WDR25: variants seen among roughly 807,000 people sequenced by gnomAD.
WDR25 encodes WD repeat domain 25, also known as WD repeat-containing protein 25.
In WDR25, 35 loss-of-function variants were observed where a neutral mutation model predicts 47.7. The observed-to-expected ratio is 0.73, with a 90% CI of 0.56 to 0.97. The LOEUF (loss-of-function observed/expected upper bound fraction) is 0.97. Among genes scored for constraint, WDR25 ranks in the 50% least tolerant of loss-of-function variants. WDR25 has a pLI of 0.00. For synonymous variants in WDR25, 248 were observed against 278.9 expected (o/e 0.89, Z 1.10); for missense variants, 634 against 704.7 (o/e 0.90, Z 1.14).
intron 2 of WDR25, among the ~76,000 whole-genome samples, chr14:100,408,203 G>A (rs984258909): frequency 2.0e-5 from 3 of 152,104 alleles, no homozygotes; most frequent in African/African-American, 7.2e-5. Context: ...CTCATCGGAC[G>A]TTCCTGTGAT....
At chr14:100,466,851 T>C (rs1030031186) in intron 2 of WDR25, among the ~76,000 whole-genome samples, 4 of 152,200 alleles carry the variant, frequency 2.6e-5, no homozygotes, top group Admixed American at 6.5e-5. Flanking sequence ...AGTACCTCTG[T>C]GTGTCAGGCC....
rs1177168708 is a variant in WDR25, at chr14:100,424,207, T to C, written c.822+42461T>C. ...GGTGAGTGTTCCTGAGCCCAGGCACTTCGATGCCCACACTACTTCCAGGGA... is the reference window on the plus strand; with the variant it reads ...GGTGAGTGTTCCTGAGCCCAGGCACCTCGATGCCCACACTACTTCCAGGGA... On this transcript the variant is annotated intron_variant, in intron 2 of 6. Transcript: ENST00000402312. The surrounding 1 kb of genome is among the most constrained non-coding windows in gnomAD (Gnocchi z 4.2). 6.6e-6 allele frequency among the ~76,000 whole-genome samples: 1 copy of C among 152,226 alleles called. No homozygotes were observed. Among genetic ancestry groups the C allele is most frequent in the Non-Finnish European group, 1.5e-5 (1 of 68,036 alleles).
At chr14:100,465,217 A>G (rs1899588576) in intron 2 of WDR25, among the ~76,000 whole-genome samples, 2 of 152,148 alleles carry the variant, frequency 1.3e-5, no homozygotes, top group African/African-American at 4.8e-5. Context: ...TACACAGCAT[A>G]AAATTGACCA....
At chr14:100,483,907 C>T in intron 3 of WDR25, 87 bp from the exon 4 acceptor site, 2 of 1,485,254 alleles carry the variant, frequency 1.3e-6, no homozygotes, top group Non-Finnish European at 1.8e-6. Context: ...TTGCTATGAG[C>T]CCCATACCAG....
rs1390348742 is a variant in WDR25 at position 100,392,689 on chromosome 14, C to T, written c.822+10943C>T. Among the ~76,000 whole-genome samples the T allele has an allele frequency of 4.6e-5, 7 of 152,186 alleles. No individual in the cohort carries two copies. The highest frequency in any genetic ancestry group is 2.1e-4 in the South Asian group (1 of 4,836). On this transcript the variant is annotated intron_variant, in intron 2 of 6. Transcript: ENST00000402312. This position sits in a 1 kb window ranked among gnomAD's most constrained non-coding sequence, Gnocchi z 4.2. ...CACACTGTGCCACCAGCCGCCTCTG[C>T]GTCTTTGGAGGGCCGTCAATTTTCA...
chr14:100,521,076 G>C (rs1223150165), intron 4 of WDR25, among the ~76,000 whole-genome samples: 1 of 152,106 alleles, frequency 6.6e-6, no homozygotes, highest in African/African-American at 2.4e-5. Context: ...AACTACAGTT[G>C]ATGGGTCTTA....
chr14:100,490,212 C>G (rs780467528), intron 4 of WDR25, among the ~76,000 whole-genome samples: 56 of 152,290 alleles, frequency 3.7e-4, no homozygotes, highest in Non-Finnish European at 7.6e-4. Context: ...AGCATGTGGA[C>G]TCCCTGAGGG....
At chr14:100,429,054 C>T (rs973003090) in intron 2 of WDR25, among the ~76,000 whole-genome samples, 1 of 152,196 alleles carries the variant, frequency 6.6e-6, no homozygotes, top group African/African-American at 2.4e-5. Context: ...GCCGTAGATA[C>T]TCGTTTGTAA....
In WDR25 at chr14:100,529,956, C is replaced by G; in HGVS notation, c.1550C>G (p.Ala517Gly). Reference sequence around the variant, plus strand: ...TGCACACTGCAGGGGCACACACAGGCCTGTGTCGGCACCACCTATCACCCC... The same window carrying G: ...TGCACACTGCAGGGGCACACACAGGGCTGTGTCGGCACCACCTATCACCCC... The part of the protein sequence containing the change: ...RACTLQGHTQ[A>G]CVGTTYHPVL... The change falls in exon 7 of 7, where the codon GCC becomes GGC. Residue 517 changes from alanine to glycine, a missense_variant. Transcript: ENST00000402312. This position sits in a 1 kb window ranked among gnomAD's most constrained non-coding sequence, Gnocchi z 5.1. The G allele has an allele frequency of 5.6e-6, 9 of 1,613,536 alleles. No homozygotes were observed. The highest frequency in any genetic ancestry group is 7.6e-6 in the Non-Finnish European group (9 of 1,180,020).
intron 2 of WDR25, among the ~76,000 whole-genome samples, chr14:100,399,324 G>A (rs950490491): frequency 2.0e-5 from 3 of 152,146 alleles, no homozygotes; most frequent in Non-Finnish European, 2.9e-5. Flanking sequence ...ACATCTGTAG[G>A]TGATTTTTCC....
At chr14:100,385,869 T>C (rs978973871) in intron 2 of WDR25, among the ~76,000 whole-genome samples, 1 of 152,116 alleles carries the variant, frequency 6.6e-6, no homozygotes, top group African/African-American at 2.4e-5. Flanking sequence ...AAGGAAAACA[T>C]GTACGTGGCC....
At chr14:100,456,823 G>T (rs1203838552) in intron 2 of WDR25, among the ~76,000 whole-genome samples, 3 of 152,070 alleles carry the variant, frequency 2.0e-5, no homozygotes, top group Non-Finnish European at 4.4e-5. Context: ...AATATTTAAA[G>T]AAATAATGGC....
intron 2 of WDR25, among the ~76,000 whole-genome samples, chr14:100,405,388 C>T (rs111525347): frequency 2.8e-4 from 43 of 151,942 alleles, no homozygotes; most frequent in Non-Finnish European, 4.7e-4. Context: ...CTCCAACTCC[C>T]GACCTCAGGT....
intron 4 of WDR25, among the ~76,000 whole-genome samples, chr14:100,491,036 T>A (rs1465543466): frequency 6.6e-6 from 1 of 152,242 alleles, no homozygotes; most frequent in African/African-American, 2.4e-5. Context: ...GGCTCCCATT[T>A]CCTCATCTGT....
At chr14:100,497,496 C>G (rs1366926492) in intron 4 of WDR25, among the ~76,000 whole-genome samples, 1 of 152,030 alleles carries the variant, frequency 6.6e-6, no homozygotes, top group Non-Finnish European at 1.5e-5. Flanking sequence ...CAAAAACAAA[C>G]AAACAAAAAA....
intron 3 of WDR25, among the ~76,000 whole-genome samples, chr14:100,470,556 G>T (rs1012977114): frequency 6.6e-6 from 1 of 152,194 alleles, no homozygotes; most frequent in Non-Finnish European, 1.5e-5. Context: ...TTCAAAGAGG[G>T]TCCTCCTGTC....
chr14:100,491,305 G>C (rs1490587941), intron 4 of WDR25, among the ~76,000 whole-genome samples: 1 of 152,240 alleles, frequency 6.6e-6, no homozygotes, highest in Non-Finnish European at 1.5e-5. Context: ...TGAACTGGGG[G>C]TGGTTTGATG....
chr14:100,414,316 T>G (rs1897804950), intron 2 of WDR25, among the ~76,000 whole-genome samples: 1 of 141,086 alleles, frequency 7.1e-6, no homozygotes. Context: ...GGTAGTTCTT[T>G]TTTTTTTTTT....
At chr14:100,517,235 G>A (rs989868602) in intron 4 of WDR25, among the ~76,000 whole-genome samples, 2 of 144,138 alleles carry the variant, frequency 1.4e-5, no homozygotes, top group Admixed American at 1.5e-4. Context: ...CCTGCCTCAC[G>A]CCTGGCTAAT....
Sources: allele counts gnomAD v4.1 joint callset (sites outside exome capture counted in the v4.1 genomes callset), GRCh38; gene constraint gnomAD v4.1.1; non-coding constraint Gnocchi (gnomAD v3.1); transcripts MANE v1.5; gene names NCBI Gene and HGNC (gene_info 2026-07-23, HGNC 2026-07-21).